TFB1M: variants seen among roughly 807,000 people sequenced by gnomAD.
TFB1M encodes the protein dimethyladenosine transferase 1, mitochondrial.
TFB1M carries 27 observed loss-of-function variants against 31.1 expected under a neutral mutation model. The ratio of observed to expected loss-of-function variants is 0.87; its 90% CI spans 0.64 to 1.20. The LOEUF is 1.20. Among genes scored for constraint, TFB1M ranks in the 50% most tolerant of loss-of-function variants. The probability of loss-of-function intolerance (pLI) is 0.00; values close to 1 mark genes in which losing one functional copy is unlikely to be tolerated. For synonymous variants in TFB1M, 166 were observed against 151.8 expected, an observed-to-expected ratio of 1.09 and a Z score of -0.69; for missense variants, 394 against 418.7, an observed-to-expected ratio of 0.94 and a Z score of 0.51.
chr6:155,240,089 C>T, the TFB1M span, among the ~76,000 whole-genome samples: 11 of 152,198 alleles, frequency 7.2e-5, no homozygotes, highest in South Asian at 4.1e-4. Context: ...TGAGTCTCTC[C>T]GGGCTGTTCT....
chr6:155,249,938 T>C, the TFB1M span: 1 of 1,614,080 alleles, frequency 6.2e-7, no homozygotes, highest in Non-Finnish European at 8.5e-7. Flanking sequence ...TTTGACCAGC[T>C]AGTAGCTGAG....
chr6:155,248,567 C>T, the TFB1M span, among the ~76,000 whole-genome samples: 2 of 152,196 alleles, frequency 1.3e-5, no homozygotes, highest in Admixed American at 6.5e-5. Context: ...GTTCGCTGCC[C>T]GAGCTGCTGG....
chr6:155,259,675 T>C (rs996699438), intron 6 of TFB1M, among the ~76,000 whole-genome samples: 9 of 152,258 alleles, frequency 5.9e-5, no homozygotes, highest in African/African-American at 1.9e-4. Context: ...TTAAGCAGAC[T>C]ATCACTGGGC....
At chr6:155,246,448 C>T in the TFB1M span, among the ~76,000 whole-genome samples, 2 of 152,168 alleles carry the variant, frequency 1.3e-5, no homozygotes, top group Non-Finnish European at 2.9e-5. Context: ...ACTCTGTTGC[C>T]ATTTCCTCCC....
intron 1 of TFB1M, among the ~76,000 whole-genome samples, chr6:155,311,624 C>T (rs1464306636): frequency 2.0e-5 from 3 of 152,156 alleles, no homozygotes; most frequent in Non-Finnish European, 4.4e-5. Flanking sequence ...TTCCATCTGT[C>T]CCATGCAAAT....
chr6:155,258,133 C>T (rs776554450), intron 6 of TFB1M, 51 bp from the exon 7 acceptor site: 6 of 1,597,468 alleles, frequency 3.8e-6, no homozygotes, highest in Non-Finnish European at 5.1e-6. Flanking sequence ...TTAAATTCTG[C>T]AAATCATGAC....
the TFB1M span, among the ~76,000 whole-genome samples, chr6:155,242,250 C>T: frequency 1.5e-4 from 23 of 152,378 alleles, no homozygotes; most frequent in African/African-American, 2.9e-4. Context: ...CCAACACCCT[C>T]GGACAAAATA....
intron 5 of TFB1M, 22 bp from the exon 6 acceptor site, chr6:155,260,422 TATC>T (rs1404238795): frequency 9.9e-6 from 16 of 1,614,030 alleles, no homozygotes; most frequent in East Asian, 2.2e-5. Context: ...GCAAACATAT[TATC>T]ATTCTGTGGC....
chr6:155,286,557 A>G (rs914920505), intron 4 of TFB1M, among the ~76,000 whole-genome samples: 26 of 147,994 alleles, frequency 1.8e-4, no homozygotes, highest in Non-Finnish European at 3.3e-4. Flanking sequence ...ATGTGTGTAT[A>G]TATATGTATA....
rs561146178 is a variant in TFB1M, at chr6:155,297,009, G to A, written c.490C>T (p.Pro164Ser). The part of the protein sequence containing the change: ...WLENISCRDG[P>S]FVYGRTQMTL... The stretch of plus-strand genomic sequence containing the variant: ...ATCTGAGTTCTGCCATAAACAAAAG[G>A]TCCATCTCTACAGGAAATATTTTCA... The change falls in exon 4 of 7, where the codon CCT becomes TCT. Residue 164 changes from proline (P) to serine (S), a missense_variant. Physicochemically the swap from Pro to Ser is moderately conservative, Grantham distance 74. Transcript: ENST00000367166. The A allele has an allele frequency of 3.3e-5, 53 of 1,613,814 alleles. No individual in the cohort carries two copies. Among genetic ancestry groups the A allele is most frequent in the East Asian group, 3.1e-4 (14 of 44,840 alleles).
At chr6:155,277,670 G>A (rs560237246) in intron 5 of TFB1M, among the ~76,000 whole-genome samples, 3 of 152,138 alleles carry the variant, frequency 2.0e-5, no homozygotes, top group Admixed American at 6.5e-5. Flanking sequence ...TAGCTAAAAC[G>A]AAAAGGTATT....
downstream of TFB1M, chr6:155,254,305 CT>C: frequency 1.4e-6 from 2 of 1,410,732 alleles, no homozygotes; most frequent in Non-Finnish European, 1.9e-6. Flanking sequence ...TGCTGGGTGG[CT>C]GGCTGGCAGC....
At chr6:155,280,165 T>G (rs965537509) in intron 5 of TFB1M, among the ~76,000 whole-genome samples, 1 of 152,116 alleles carries the variant, frequency 6.6e-6, no homozygotes, top group Non-Finnish European at 1.5e-5. Context: ...TCCAAGCAAC[T>G]GCGGCAGAGA....
At chr6:155,314,021 C>G (rs1481163937) in intron 1 of TFB1M, 2 of 1,166,580 alleles carry the variant, frequency 1.7e-6, no homozygotes, top group Non-Finnish European at 2.3e-6. Flanking sequence ...TTTCACGACC[C>G]ATGAACCCTT....
chr6:155,311,180 C>T lies in TFB1M; in HGVS notation c.285+8G>A, dbSNP rs374281773. Reference sequence around the variant, plus strand: ...TGCCTCCTAAAGCAGACACTTTAAGCATCTCACCTGTAATCCAGGAATAAA... The same window carrying T: ...TGCCTCCTAAAGCAGACACTTTAAGTATCTCACCTGTAATCCAGGAATAAA... On this transcript the variant is annotated splice_region_variant and intron_variant, in intron 2 of 6. Transcript: ENST00000367166. The T allele has an allele frequency of 3.7e-6, 6 of 1,613,814 alleles. No individual in the cohort carries two copies. The African/African-American group carries it at 6.7e-5, about 18-fold the overall frequency.
chr6:155,275,101 C>A (rs933271840), intron 5 of TFB1M, among the ~76,000 whole-genome samples: 1 of 151,848 alleles, frequency 6.6e-6, no homozygotes, highest in Non-Finnish European at 1.5e-5. Context: ...TGGCGGGCGC[C>A]TGTAGTCCCA....
downstream of TFB1M, chr6:155,251,859 T>C (rs1783677171): frequency 4.8e-6 from 5 of 1,040,766 alleles, no homozygotes; most frequent in Admixed American, 1.2e-4. Flanking sequence ...TTGGAGAGTG[T>C]TACTCTGTTA....
chr6:155,285,026 T>C lies in TFB1M; in HGVS notation c.666+132A>G, dbSNP rs1776563173. Reference sequence around the variant, plus strand: ...CATATTACGATTTTTGTGGTTCTTATTCAGAAGTAAAGTACAGTGTCAGTT... The same window carrying C: ...CATATTACGATTTTTGTGGTTCTTACTCAGAAGTAAAGTACAGTGTCAGTT... On this transcript the variant is annotated intron_variant, in intron 5 of 6. Transcript: ENST00000367166. 2 of 1,200,608 alleles carry C rather than the reference T, an allele frequency of 1.7e-6. No homozygotes were observed. The highest frequency in any genetic ancestry group is 2.4e-6 in the Non-Finnish European group (2 of 825,656). The allele number at this position is 1,200,608 out of a possible 1,614,324, so 74.4% of individuals were successfully genotyped here.
At chr6:155,233,150 C>T in the TFB1M span, among the ~76,000 whole-genome samples, 4 of 152,238 alleles carry the variant, frequency 2.6e-5, no homozygotes, top group East Asian at 3.9e-4. Context: ...AAATTTCAGG[C>T]ATAGTCTTGA....
Sources: gnomAD v4.1 joint callset for allele counts (sites outside exome capture counted in the v4.1 genomes callset) on GRCh38, gnomAD v4.1.1 for gene constraint, MANE v1.5 for transcripts, NCBI Gene and HGNC (gene_info 2026-07-23, HGNC 2026-07-21) for gene names.